Variants in TAF1B observed in about 807,000 individuals in gnomAD.
TAF1B encodes the protein TATA box-binding protein-associated factor RNA polymerase I subunit B.
TAF1B carries 61 observed loss-of-function variants against 83.9 expected under a neutral mutation model. The observed-to-expected ratio is 0.73, with a 90% CI of 0.59 to 0.90. The LOEUF (loss-of-function observed/expected upper bound fraction) is 0.90, where lower values mean the gene tolerates loss of function less well. Among genes scored for constraint, TAF1B ranks in the 40% least tolerant of loss-of-function variants. The pLI is 0.00. For missense variants in TAF1B, 625 were observed against 677.0 expected, an observed-to-expected ratio of 0.92 and a Z score of 0.85; for synonymous variants, 221 against 224.6, an observed-to-expected ratio of 0.98 and a Z score of 0.14.
At position 9,858,699 on chromosome 2, in the gene TAF1B, C is replaced by T. The variant is rs116489686; in HGVS notation, c.399+4278C>T. Among the ~76,000 whole-genome samples the T allele has an allele frequency of 4.6e-3, 702 of 152,352 alleles. 3 individuals are homozygous for T. The highest frequency in any genetic ancestry group is 0.016 in the African/African-American group (656 of 41,582). Reference sequence around the variant, plus strand: ...GTCTTCTATGCACCCACAGGCCCATCGCCACGTGGAAGCTGCCAAAGCTTG... The same window carrying T: ...GTCTTCTATGCACCCACAGGCCCATTGCCACGTGGAAGCTGCCAAAGCTTG... On this transcript the variant is annotated intron_variant, in intron 5 of 14. Coordinates refer to ENST00000263663, the MANE Select transcript of TAF1B (RefSeq NM_005680.3).
intron 2 of TAF1B, among the ~76,000 whole-genome samples, chr2:9,847,588 G>C (rs1019189857): frequency 8.1e-4 from 123 of 152,166 alleles, no homozygotes; most frequent in African/African-American, 2.8e-3. Context: ...TGCAATCTGG[G>C]AAAGGCCTTC....
chr2:9,896,431 C>G (rs2280151), intron 8 of TAF1B, among the ~76,000 whole-genome samples: 1 of 151,890 alleles, frequency 6.6e-6, no homozygotes, highest in Admixed American at 6.6e-5. Context: ...TAGCTTTCTC[C>G]GCTAAGTCTT....
chr2:9,878,735 A>G (rs1664400600), intron 7 of TAF1B, among the ~76,000 whole-genome samples: 1 of 152,180 alleles, frequency 6.6e-6, no homozygotes, highest in Non-Finnish European at 1.5e-5. Context: ...TGTGAATCAT[A>G]TAGGTCAAGT....
intron 14 of TAF1B, among the ~76,000 whole-genome samples, chr2:9,925,407 T>C (rs1176073292): frequency 6.6e-6 from 1 of 151,658 alleles, no homozygotes; most frequent in Non-Finnish European, 1.5e-5. Context: ...GCCACTGCAC[T>C]CCAGCCTGGG....
At chr2:9,928,396 A>AAAGT (rs1287810151) in intron 14 of TAF1B, among the ~76,000 whole-genome samples, 2 of 152,214 alleles carry the variant, frequency 1.3e-5, no homozygotes. Flanking sequence ...TTCTGTGAAG[A>AAAGT]AAGTCATTGG....
intron 5 of TAF1B, among the ~76,000 whole-genome samples, chr2:9,857,267 C>T (rs1288231319): frequency 1.3e-5 from 2 of 152,180 alleles, no homozygotes; most frequent in African/African-American, 4.8e-5. Flanking sequence ...ATACACAGTA[C>T]ACTAAAGTTT....
rs1338568986 is a variant in TAF1B at position 9,914,720 on chromosome 2, A to G, written c.1271+1471A>G. On this transcript the variant is annotated intron_variant, in intron 12 of 14. Coordinates refer to ENST00000263663, the MANE Select transcript of TAF1B (RefSeq NM_005680.3). The surrounding 1 kb of genome is among the most constrained non-coding windows in gnomAD (Gnocchi z 4.3). ...ATAAAATGGCACTTTCCAGGGAGGT[A>G]CCGGGCCCCAAGGTGGAGGCTGTCG... Among the ~76,000 whole-genome samples, 1 of 152,188 alleles carries G rather than the reference A, an allele frequency of 6.6e-6. No homozygotes were observed. Among genetic ancestry groups the G allele is most frequent in the African/African-American group, 2.4e-5 (1 of 41,454 alleles).
chr2:9,879,468 A>G (rs936815677), intron 7 of TAF1B, among the ~76,000 whole-genome samples: 5 of 152,218 alleles, frequency 3.3e-5, no homozygotes, highest in Non-Finnish European at 5.9e-5. Flanking sequence ...ATGGCATACA[A>G]TTTAACACTT....
Position 9,901,557 on chromosome 2 carries a change from G to T in TAF1B, c.808-3302G>T, listed in dbSNP as rs116343468. ...TCATCCATTAAATCATTTTTTAGAT[G>T]ATTTTTTTTCTAAGGGGAACATTTA... On this transcript the variant is annotated intron_variant, in intron 8 of 14. Transcript: ENST00000263663. Among the ~76,000 whole-genome samples the T allele has an allele frequency of 3.3e-3, 506 of 152,080 alleles. 3 individuals carry two copies. Among genetic ancestry groups the T allele is most frequent in the African/African-American group, 0.012 (487 of 41,492 alleles).
At chr2:9,884,436 T>G (rs1664609024) in intron 8 of TAF1B, among the ~76,000 whole-genome samples, 1 of 152,212 alleles carries the variant, frequency 6.6e-6, no homozygotes, top group African/African-American at 2.4e-5. Flanking sequence ...TGAGTTCGTG[T>G]CCTGCAACCA....
chr2:9,856,777 GAATA>G (rs1449477288), intron 5 of TAF1B, among the ~76,000 whole-genome samples: 4 of 152,172 alleles, frequency 2.6e-5, no homozygotes, highest in East Asian at 1.9e-4. Flanking sequence ...AAATCTTGGT[GAATA>G]AATAAGCAAT....
At chr2:9,887,158 A>G (rs987076003) in intron 8 of TAF1B, among the ~76,000 whole-genome samples, 1 of 152,188 alleles carries the variant, frequency 6.6e-6, no homozygotes, top group African/African-American at 2.4e-5. Context: ...GGCAATTCAC[A>G]GTTTCAACCT....
chr2:9,848,237 A>C (rs981203992), intron 2 of TAF1B, among the ~76,000 whole-genome samples: 3 of 152,236 alleles, frequency 2.0e-5, no homozygotes, highest in Non-Finnish European at 4.4e-5. Context: ...CTACGTTCCA[A>C]AAATCCTGTT....
At chr2:9,876,430 T>A (rs189111589) in intron 7 of TAF1B, among the ~76,000 whole-genome samples, 4 of 152,308 alleles carry the variant, frequency 2.6e-5, no homozygotes, top group South Asian at 2.1e-4. Context: ...AAAATATAGG[T>A]TGTCTATGTT....
chr2:9,888,330 A>G (rs559596978), intron 8 of TAF1B, among the ~76,000 whole-genome samples: 74 of 151,830 alleles, frequency 4.9e-4, no homozygotes, highest in Non-Finnish European at 9.3e-4. Flanking sequence ...TTCTGTAAGC[A>G]ATCATTTATC....
intron 10 of TAF1B, among the ~76,000 whole-genome samples, chr2:9,911,121 A>G (rs1665520114): frequency 6.6e-6 from 1 of 152,356 alleles, no homozygotes; most frequent in African/African-American, 2.4e-5. Flanking sequence ...TTTCTTACAC[A>G]GTACTTTGAC....
At chr2:9,908,983 G>A (rs1235899427) in intron 9 of TAF1B, among the ~76,000 whole-genome samples, 1 of 152,202 alleles carries the variant, frequency 6.6e-6, no homozygotes, top group Admixed American at 6.5e-5. Context: ...TAAAAGCCAA[G>A]TGAAAACCTG....
At chr2:9,877,664 A>G (rs1664361354) in intron 7 of TAF1B, among the ~76,000 whole-genome samples, 3 of 152,186 alleles carry the variant, frequency 2.0e-5, no homozygotes. Flanking sequence ...TTAGAGCTGG[A>G]TAAAGGGGCT....
intron 14 of TAF1B, among the ~76,000 whole-genome samples, chr2:9,929,094 C>T (rs1666130245): frequency 6.6e-6 from 1 of 152,050 alleles, no homozygotes. Flanking sequence ...TGTCGAAGGC[C>T]TCTTCTGCAT....
Sources: gnomAD v4.1 joint callset for allele counts (sites outside exome capture counted in the v4.1 genomes callset) on GRCh38, gnomAD v4.1.1 for gene constraint, Gnocchi (gnomAD v3.1) non-coding constraint, MANE v1.5 for transcripts, NCBI Gene and HGNC (gene_info 2026-07-23, HGNC 2026-07-21) for gene names.